The following PLS3 variants were observed in gnomAD, a reference collection of about 807,000 sequenced individuals.
PLS3 encodes the protein plastin 3, also known as plastin-3.
A neutral mutation model predicts 46.5 loss-of-function variants in PLS3; 11 were observed. The ratio of observed to expected loss-of-function variants is 0.24; its 90% CI spans 0.15 to 0.39. The LOEUF (loss-of-function observed/expected upper bound fraction) is 0.39, where lower values mean the gene tolerates loss of function less well. Ranked by LOEUF, PLS3 falls within the 10% of genes least tolerant of loss-of-function variation. The pLI is 1.00. For synonymous variants in PLS3, 167 were observed against 162.2 expected (o/e 1.03, Z -0.22); for missense variants, 308 against 461.8 (o/e 0.67, Z 3.05).
At chrX:115,569,415 A>G (rs915343251) in intron 1 of PLS3, among the ~76,000 whole-genome samples, 23 of 111,963 alleles carry the variant, frequency 2.1e-4, no homozygotes, top group Admixed American at 3.8e-4. Context: ...ATTTGCTGAT[A>G]TGCCCTTTTA....
chrX:115,595,426 G>A (rs1281021921), intron 1 of PLS3, among the ~76,000 whole-genome samples: 1 of 110,657 alleles, frequency 9.0e-6, no homozygotes, highest in Non-Finnish European at 1.9e-5. Flanking sequence ...TAATAGCTAT[G>A]TAGGGGTGAA....
intron 2 of PLS3, among the ~76,000 whole-genome samples, chrX:115,618,022 G>A (rs1569528093): frequency 1.8e-5 from 2 of 111,182 alleles, no homozygotes; most frequent in African/African-American, 3.3e-5. Flanking sequence ...GAAATCCTGG[G>A]CTCAACTGAT....
At chrX:115,587,367 TA>T in intron 1 of PLS3, among the ~76,000 whole-genome samples, 1 of 112,336 alleles carries the variant, frequency 8.9e-6, no homozygotes, top group Non-Finnish European at 1.9e-5. Flanking sequence ...TGCATATGGA[TA>T]TATGACGATC....
chrX:115,584,156 A>C (rs1392470677), intron 1 of PLS3, among the ~76,000 whole-genome samples: 1 of 111,994 alleles, frequency 8.9e-6, no homozygotes, highest in African/African-American at 3.2e-5. Context: ...CTTTGCATTA[A>C]AAAGACAAAT....
intron 2 of PLS3, among the ~76,000 whole-genome samples, chrX:115,615,858 A>T (rs2074594400): frequency 8.9e-6 from 1 of 111,759 alleles, no homozygotes; most frequent in East Asian, 2.8e-4. Flanking sequence ...GCAGTATGGT[A>T]ATTTATGTCT....
intron 4 of PLS3, 28 bp from the exon 5 acceptor site, chrX:115,629,807 A>G: frequency 1.0e-6 from 1 of 965,479 alleles, no homozygotes; most frequent in Non-Finnish European, 1.5e-6. Flanking sequence ...AGTATGAACT[A>G]ATGTCTTGTT....
At chrX:115,591,240 A>G (rs1603225887) in intron 1 of PLS3, among the ~76,000 whole-genome samples, 1 of 112,795 alleles carries the variant, frequency 8.9e-6, no homozygotes, top group African/African-American at 3.2e-5. Context: ...AACTTTAACT[A>G]CAATGCTTTG....
At chrX:115,613,482 A>G (rs939846692) in intron 2 of PLS3, among the ~76,000 whole-genome samples, 14 of 111,939 alleles carry the variant, frequency 1.3e-4, no homozygotes, top group African/African-American at 3.9e-4. Context: ...ACACCAGTGC[A>G]TATTTGTTTA....
chrX:115,592,431 G>T (rs1019231089), intron 1 of PLS3, among the ~76,000 whole-genome samples: 1 of 111,465 alleles, frequency 9.0e-6, no homozygotes. Context: ...TTTGTTCAGG[G>T]TCACACAGAC....
intron 8 of PLS3, among the ~76,000 whole-genome samples, chrX:115,638,250 A>C (rs2074858174): frequency 9.0e-6 from 1 of 111,319 alleles, no homozygotes; most frequent in South Asian, 3.8e-4. Context: ...AGCTGGAATT[A>C]CAGGCATCCA....
chrX:115,621,010 TTTTTA>T (rs1426609551), intron 2 of PLS3, among the ~76,000 whole-genome samples: 1 of 102,093 alleles, frequency 9.8e-6, no homozygotes, highest in African/African-American at 3.6e-5. Flanking sequence ...ATTTTTTTAT[TTTTTA>T]TTTTATATAT....
In PLS3 at chrX:115,650,675, A is replaced by G. The variant is rs982617967; in HGVS notation, c.*1114A>G. The G allele has an allele frequency of 9.8e-5, 11 of 112,238 alleles. No homozygotes were observed. The highest frequency in any genetic ancestry group is 3.6e-4 in the African/African-American group (11 of 30,902). The allele number at this position is 112,238 out of a possible 1,213,427, so 9.2% of individuals were successfully genotyped here. The stretch of plus-strand genomic sequence containing the variant: ...AAATAAAGGCATTTACATAATAATT[A>G]GTCTGTTCTTCATGCTTTTGTCTCT... On this transcript the variant is annotated 3_prime_UTR_variant, in exon 16 of 16. Coordinates refer to ENST00000355899, the MANE Select transcript of PLS3 (RefSeq NM_005032.7).
intron 2 of PLS3, among the ~76,000 whole-genome samples, chrX:115,620,162 C>A (rs1556637305): frequency 9.0e-6 from 1 of 110,917 alleles, no homozygotes; most frequent in Non-Finnish European, 1.9e-5. Flanking sequence ...TCAGTGTATT[C>A]CATGGAATAC....
intron 2 of PLS3, 26 bp downstream of exon 2, chrX:115,610,349 T>A: frequency 1.2e-6 from 1 of 821,185 alleles, no homozygotes; most frequent in African/African-American, 2.0e-5. Context: ...AGTAAAACTA[T>A]AGGGAAGCAA....
chrX:115,645,550 C>T (rs2074942798), intron 11 of PLS3, among the ~76,000 whole-genome samples: 2 of 111,073 alleles, frequency 1.8e-5, no homozygotes, highest in African/African-American at 6.5e-5. Context: ...TCCACAACAA[C>T]TCAGGGACTT....
intron 1 of PLS3, among the ~76,000 whole-genome samples, chrX:115,569,064 A>G (rs893773169): frequency 5.4e-5 from 6 of 110,532 alleles, no homozygotes; most frequent in Middle Eastern, 4.7e-3. Context: ...AGAAGAAGAA[A>G]AAAGAAAAGG....
In PLS3 at chrX:115,570,340, T is replaced by C. The variant is rs146907386; in HGVS notation, c.-9+9080T>C. Among the ~76,000 whole-genome samples the C allele has an allele frequency of 1.9e-3, 212 of 111,047 alleles. 1 individual carries two copies. Among genetic ancestry groups the C allele is most frequent in the African/African-American group, 6.3e-3 (193 of 30,588 alleles). On this transcript the variant is annotated intron_variant, in intron 1 of 15. Coordinates refer to ENST00000355899, the MANE Select transcript of PLS3 (RefSeq NM_005032.7). ...AAGATAATACACTCACTTTTCACTT[T>C]GTTCTCATAATTATTATATGAGAAC...
chrX:115,647,357 C>T (rs1273720347), intron 13 of PLS3, among the ~76,000 whole-genome samples, 193 bp from the exon 14 acceptor site: 5 of 111,758 alleles, frequency 4.5e-5, no homozygotes, highest in East Asian at 2.8e-4. Context: ...GGTGTGAACC[C>T]GGGAGGCGGA....
intron 5 of PLS3, among the ~76,000 whole-genome samples, chrX:115,630,771 A>G (rs1301906541): frequency 1.0e-5 from 1 of 96,899 alleles, no homozygotes; most frequent in Admixed American, 1.3e-4. Context: ...ATACACATAT[A>G]TACAAAATAT....
Sources: allele counts gnomAD v4.1 joint callset (sites outside exome capture counted in the v4.1 genomes callset), GRCh38; gene constraint gnomAD v4.1.1; transcripts MANE v1.5; gene names NCBI Gene and HGNC (gene_info 2026-07-23, HGNC 2026-07-21).